Variants in RP1 observed in about 807,000 individuals in gnomAD.
The protein encoded by RP1 is oxygen-regulated protein 1.
A neutral mutation model predicts 14.8 loss-of-function variants in RP1; 16 were observed. That is an observed-to-expected ratio of 1.08 (90% CI 0.73 to 1.65). RP1 has a LOEUF of 1.65. RP1 is among the 40% of genes most tolerant of loss of function. The probability of loss-of-function intolerance (pLI) is 0.00; values close to 1 mark genes in which losing one functional copy is unlikely to be tolerated. For synonymous variants in RP1, 876 were observed against 883.6 expected, an observed-to-expected ratio of 0.99 and a Z score of 0.15; for missense variants, 2,631 against 2,535.0, an observed-to-expected ratio of 1.04 and a Z score of -0.81.
chr8:54,759,587 C>T (rs1021097763), intron 22 of RP1, among the ~76,000 whole-genome samples: 4 of 152,128 alleles, frequency 2.6e-5, no homozygotes, highest in South Asian at 2.1e-4. Context: ...TGTACTGCCT[C>T]GGCTTGAGAC....
intron 1 of RP1, among the ~76,000 whole-genome samples, chr8:54,599,098 G>A: frequency 6.6e-6 from 1 of 151,950 alleles, no homozygotes; most frequent in Non-Finnish European, 1.5e-5. Context: ...TTTTGTTATA[G>A]TTCTGCAAGT....
intron 12 of RP1, among the ~76,000 whole-genome samples, chr8:54,680,641 A>G (rs1161333319): frequency 2.6e-5 from 4 of 152,132 alleles, no homozygotes; most frequent in East Asian, 3.9e-4. Context: ...ATCCTAGGGA[A>G]CAACCAGTTT....
At chr8:54,638,698 G>T (rs907603089) in intron 3 of RP1, among the ~76,000 whole-genome samples, 33 of 151,928 alleles carry the variant, frequency 2.2e-4, no homozygotes, top group African/African-American at 7.5e-4. Flanking sequence ...GTATAGGGTT[G>T]GTTTGTTTGT....
intron 23 of RP1, among the ~76,000 whole-genome samples, chr8:54,775,798 T>C (rs78479545): frequency 6.6e-6 from 1 of 152,194 alleles, no homozygotes; most frequent in Admixed American, 6.5e-5. Flanking sequence ...ACCTGCATAC[T>C]TAGGTCAAGA....
chr8:54,652,865 A>G, exon 5 of RP1: 1 of 1,533,464 alleles, frequency 6.5e-7, no homozygotes, highest in Admixed American at 2.0e-5. Flanking sequence ...CACTGCAAGG[A>G]GGTAAGGATA....
chr8:54,622,904 G>A (rs1426945464), intron 3 of RP1, among the ~76,000 whole-genome samples: 1 of 152,160 alleles, frequency 6.6e-6, no homozygotes, highest in Admixed American at 6.5e-5. Context: ...CCAGGGATGT[G>A]GGATAAGCTG....
chr8:54,628,787 G>A lies in RP1; in HGVS notation c.4905G>A (p.Leu1635=). 6.2e-7 allele frequency: 1 copy of A among 1,614,098 alleles called. No homozygotes were observed. Among genetic ancestry groups the A allele is most frequent in the Non-Finnish European group, 8.5e-7 (1 of 1,179,982 alleles). ...TTGTTAAAAGGGCAATAGAAAAACT[G>A]TACGGTAAAGCAGATATTATCAAAC... ...IGFVKRAIEK[L]YGKADIIKPS... The change falls in exon 4 of 4, where the codon CTG becomes CTA. Residue 1635 remains leucine (L), a synonymous_variant. Coordinates refer to ENST00000220676, the MANE Select transcript of RP1 (RefSeq NM_006269.2).
At chr8:54,852,761 G>T (rs756465371) in intron 26 of RP1, 7 of 1,227,090 alleles carry the variant, frequency 5.7e-6, no homozygotes, top group African/African-American at 1.6e-5. Context: ...AGTTTTTACC[G>T]ACTATCGTTC....
At chr8:54,670,521 G>A (rs867598567) in intron 7 of RP1, among the ~76,000 whole-genome samples, 5 of 51,294 alleles carry the variant, frequency 9.7e-5, no homozygotes, top group Admixed American at 3.6e-4. Context: ...ATATATGTAT[G>A]TGTATATATA....
chr8:54,789,071 A>G (rs1407630058), intron 24 of RP1, among the ~76,000 whole-genome samples: 6 of 152,122 alleles, frequency 3.9e-5, no homozygotes. Flanking sequence ...GCTTTCCCCT[A>G]CAGGGTATAC....
At chr8:54,859,910 T>A (rs1812301104) in intron 27 of RP1, among the ~76,000 whole-genome samples, 1 of 152,158 alleles carries the variant, frequency 6.6e-6, no homozygotes, top group African/African-American at 2.4e-5. Flanking sequence ...CCCAGACTCT[T>A]GTTTTAAAAA....
intron 24 of RP1, among the ~76,000 whole-genome samples, chr8:54,831,336 G>A (rs1467864815): frequency 6.7e-6 from 1 of 149,982 alleles, no homozygotes; most frequent in African/African-American, 2.4e-5. Context: ...ATATATTCTG[G>A]ATATCTCAAT....
At chr8:54,794,867 A>T (rs1810545206) in intron 24 of RP1, among the ~76,000 whole-genome samples, 1 of 152,118 alleles carries the variant, frequency 6.6e-6, no homozygotes, top group Non-Finnish European at 1.5e-5. Flanking sequence ...TCCCAAATAT[A>T]TCAGGAACTC....
intron 24 of RP1, among the ~76,000 whole-genome samples, chr8:54,796,508 C>T (rs1810580446): frequency 6.6e-6 from 1 of 152,106 alleles, no homozygotes; most frequent in Non-Finnish European, 1.5e-5. Context: ...AACATGAGGT[C>T]ATGCCAGAGT....
chr8:54,585,003 T>G (rs1014768519), intron 1 of RP1, among the ~76,000 whole-genome samples: 2 of 152,210 alleles, frequency 1.3e-5, no homozygotes, highest in Non-Finnish European at 2.9e-5. Context: ...CATTTCCATT[T>G]AAGGTTAATA....
intron 27 of RP1, among the ~76,000 whole-genome samples, chr8:54,859,566 A>G (rs1364557899): frequency 1.3e-5 from 2 of 149,734 alleles, no homozygotes; most frequent in African/African-American, 4.9e-5. Context: ...AGGTGGTGTC[A>G]CTGTAGGGTA....
intron 12 of RP1, chr8:54,696,310 G>T: frequency 2.3e-6 from 1 of 431,590 alleles, no homozygotes; most frequent in South Asian, 3.5e-5. Flanking sequence ...AAAATTTTTA[G>T]TTAATACAAA....
intron 24 of RP1, among the ~76,000 whole-genome samples, chr8:54,784,517 A>G (rs1434620049): frequency 2.0e-5 from 3 of 152,126 alleles, no homozygotes; most frequent in Non-Finnish European, 4.4e-5. Context: ...TAATGCTGCA[A>G]TGAACATAGT....
At chr8:54,634,808 G>A (rs372596622), downstream of RP1, among the ~76,000 whole-genome samples, 8 of 152,242 alleles carry the variant, frequency 5.3e-5, no homozygotes, top group Admixed American at 6.5e-5. Context: ...TGGGCTGGGC[G>A]CAGTGGCTCA....
Sources: allele counts gnomAD v4.1 joint callset (sites outside exome capture counted in the v4.1 genomes callset), GRCh38; gene constraint gnomAD v4.1.1; transcripts MANE v1.5; gene names NCBI Gene and HGNC (gene_info 2026-07-23, HGNC 2026-07-21).